TOX2: variants seen among roughly 807,000 people sequenced by gnomAD.
The protein encoded by TOX2 is TOX high mobility group box family member 2, also known as granulosa cell HMG box 1.
Under a neutral mutation model 47.4 loss-of-function variants are expected in TOX2, and 15 were observed. The ratio of observed to expected loss-of-function variants is 0.32; its 90% CI spans 0.21 to 0.49. The LOEUF (loss-of-function observed/expected upper bound fraction) is 0.49. TOX2 is among the 20% of genes least tolerant of loss of function. TOX2 has a pLI of 0.99. For missense variants in TOX2, 622 were observed against 673.1 expected, an observed-to-expected ratio of 0.92 and a Z score of 0.84; for synonymous variants, 290 against 296.6, an observed-to-expected ratio of 0.98 and a Z score of 0.23.
intron 3 of TOX2, among the ~76,000 whole-genome samples, chr20:44,049,093 G>A (rs2071464791): frequency 6.6e-6 from 1 of 152,206 alleles, no homozygotes; most frequent in Admixed American, 6.5e-5. Context: ...GCGCGATGCA[G>A]CACAACTCTG....
intron 6 of TOX2, 44 bp downstream of exon 6, chr20:44,064,901 C>T (rs1408879264): frequency 6.3e-7 from 1 of 1,583,574 alleles, no homozygotes; most frequent in Admixed American, 1.7e-5. Context: ...CAGAGTGGGG[C>T]CACTTGAGGA....
At chr20:44,028,001 C>T (rs762065753) in intron 3 of TOX2, among the ~76,000 whole-genome samples, 11 of 152,152 alleles carry the variant, frequency 7.2e-5, no homozygotes, top group African/African-American at 2.2e-4. Context: ...ACTGGGGAAA[C>T]GGCTCAGAGC....
At chr20:44,033,890 AG>A (rs2071196665) in intron 3 of TOX2, among the ~76,000 whole-genome samples, 1 of 152,116 alleles carries the variant, frequency 6.6e-6, no homozygotes, top group Admixed American at 6.5e-5. Flanking sequence ...ACTAATACAC[AG>A]AGTCTCTGCT....
chr20:43,947,880 AAGG>A (rs1449674995), intron 1 of TOX2, among the ~76,000 whole-genome samples: 1 of 152,178 alleles, frequency 6.6e-6, no homozygotes, highest in Admixed American at 6.5e-5. Flanking sequence ...GCTGGAAGGA[AAGG>A]AGTCTTGGAA....
chr20:43,979,541 C>T (rs989412978), intron 2 of TOX2, among the ~76,000 whole-genome samples: 2 of 152,012 alleles, frequency 1.3e-5, no homozygotes, highest in African/African-American at 4.8e-5. Flanking sequence ...GGGATCACAT[C>T]AAGTTAAAAC....
intron 5 of TOX2, among the ~76,000 whole-genome samples, chr20:44,059,656 A>G (rs943695391): frequency 6.6e-6 from 1 of 152,230 alleles, no homozygotes; most frequent in Non-Finnish European, 1.5e-5. Context: ...AGAATTTTGT[A>G]TCCAGCAAAA....
At chr20:43,928,853 G>A (rs1317468372) in intron 1 of TOX2, among the ~76,000 whole-genome samples, 1 of 152,006 alleles carries the variant, frequency 6.6e-6, no homozygotes, top group South Asian at 2.1e-4. Flanking sequence ...TACTCAGTGG[G>A]GCCGGGCGTG....
chr20:43,982,305 C>T (rs1014279227), intron 2 of TOX2, among the ~76,000 whole-genome samples: 1 of 151,974 alleles, frequency 6.6e-6, no homozygotes, highest in African/African-American at 2.4e-5. Context: ...AGAATGAGCT[C>T]CCGGTGCTTG....
At chr20:44,067,094 C>T (rs563591708) in intron 8 of TOX2, among the ~76,000 whole-genome samples, 2 of 152,320 alleles carry the variant, frequency 1.3e-5, no homozygotes, top group East Asian at 3.9e-4. Flanking sequence ...AGTCTTGCTG[C>T]TTCTTCCTTG....
chr20:43,991,176 C>T (rs1351701393), intron 2 of TOX2, among the ~76,000 whole-genome samples: 1 of 152,170 alleles, frequency 6.6e-6, no homozygotes, highest in Non-Finnish European at 1.5e-5. Context: ...GAGGTAGGGG[C>T]TCAGATCTTC....
At position 44,033,823 on chromosome 20, in the gene TOX2, T is replaced by A. The variant is rs983973666; in HGVS notation, c.412-17483T>A. 5.9e-5 allele frequency among the ~76,000 whole-genome samples: 9 copies of A among 152,336 alleles called. No individual in the cohort carries two copies. The East Asian group carries it at 1.7e-3, about 29-fold the overall frequency. On this transcript the variant is annotated intron_variant, in intron 3 of 8. Transcript: ENST00000341197. ...GAGGTGCATGTGCTGTTCTTGCTCC[T>A]GCAACGGAAGGAATTTTTATTAAGT...
intron 3 of TOX2, among the ~76,000 whole-genome samples, chr20:44,043,640 C>T (rs1028100154): frequency 6.6e-6 from 1 of 152,194 alleles, no homozygotes; most frequent in African/African-American, 2.4e-5. Context: ...AGATTTTCGC[C>T]ATCTCCCAGT....
chr20:43,994,685 C>T (rs2070438849), intron 2 of TOX2, among the ~76,000 whole-genome samples: 3 of 152,196 alleles, frequency 2.0e-5, no homozygotes, highest in Admixed American at 6.5e-5. Context: ...AGAGCCTCCC[C>T]GTCCCTGCCC....
intron 2 of TOX2, among the ~76,000 whole-genome samples, chr20:43,993,430 G>C (rs1402580603): frequency 1.3e-5 from 2 of 152,066 alleles, no homozygotes; most frequent in African/African-American, 4.8e-5. Context: ...TGGGGAGGTG[G>C]GGCTGACAGG....
At chr20:43,963,020 T>C (rs1343457308) in intron 1 of TOX2, among the ~76,000 whole-genome samples, 1 of 152,180 alleles carries the variant, frequency 6.6e-6, no homozygotes, top group East Asian at 1.9e-4. Context: ...TGCTCTGAAG[T>C]CTTTGAGATT....
chr20:44,066,626 G>A, intron 7 of TOX2, 104 bp from the exon 8 acceptor site: 2 of 1,560,160 alleles, frequency 1.3e-6, no homozygotes, highest in African/African-American at 1.4e-5. Flanking sequence ...GCATCTCTTT[G>A]GTGTGGACAC....
At position 44,059,246 on chromosome 20, in the gene TOX2, C is replaced by G. The variant is rs576045065; in HGVS notation, c.879+4720C>G. Among the ~76,000 whole-genome samples, 11 of 152,232 alleles carry G rather than the reference C, an allele frequency of 7.2e-5. No homozygotes were observed. In the East Asian group the frequency reaches 2.1e-3, roughly 29 times the overall value. On this transcript the variant is annotated intron_variant, in intron 5 of 8. Coordinates refer to ENST00000341197, the MANE Select transcript of TOX2 (RefSeq NM_001098797.2). ...AAAATACACTGGGAAGTCTCAGCAA[C>G]TGAATTGAACAAGTAGAAGAAAGAA... is the stretch of plus-strand genomic sequence containing the variant.
At chr20:43,960,475 C>T (rs2069738667) in intron 1 of TOX2, among the ~76,000 whole-genome samples, 1 of 152,210 alleles carries the variant, frequency 6.6e-6, no homozygotes, top group Non-Finnish European at 1.5e-5. Flanking sequence ...CTGGGCCATC[C>T]CAGTTCCAGA....
At position 44,051,687 on chromosome 20, in the gene TOX2, T is replaced by C. The variant is rs557694752; in HGVS notation, c.651+142T>C. 2.3e-5 allele frequency: 30 copies of C among 1,292,200 alleles called. No homozygotes were observed. In the African/African-American group the frequency reaches 4.2e-4, roughly 18 times the overall value. The allele number at this position is 1,292,200 out of a possible 1,614,324, so 80.0% of individuals were successfully genotyped here. ...AGGTCCCCGTAGGTGCCATTCCCAC[T>C]GAGCAGGCGTTCCTGGTGGCGGTTG... On this transcript the variant is annotated intron_variant, in intron 4 of 8. Coordinates refer to ENST00000341197, the MANE Select transcript of TOX2 (RefSeq NM_001098797.2).
Sources: gnomAD v4.1 joint callset for allele counts (sites outside exome capture counted in the v4.1 genomes callset) on GRCh38, gnomAD v4.1.1 for gene constraint, MANE v1.5 for transcripts, NCBI Gene and HGNC (gene_info 2026-07-23, HGNC 2026-07-21) for gene names.